The following FMNL2 variants were observed in gnomAD, a reference collection of about 807,000 sequenced individuals.
FMNL2 encodes formin like 2.
FMNL2 carries 51 observed loss-of-function variants against 130.2 expected under a neutral mutation model. That is an observed-to-expected ratio of 0.39 (90% CI 0.31 to 0.49). The LOEUF (loss-of-function observed/expected upper bound fraction) is 0.49. Ranked by LOEUF, FMNL2 falls within the 20% of genes least tolerant of loss-of-function variation. FMNL2 has a pLI of 0.85. For missense variants in FMNL2, 977 were observed against 1,316.2 expected (o/e 0.74, Z 3.99); for synonymous variants, 465 against 467.1 (o/e 1.00, Z 0.06).
At chr2:152,557,884 T>A (rs1212788544) in intron 4 of FMNL2, among the ~76,000 whole-genome samples, 4 of 152,118 alleles carry the variant, frequency 2.6e-5, no homozygotes, top group Non-Finnish European at 5.9e-5. Context: ...TTTGTTGGAG[T>A]TTGAAACTTA....
intron 1 of FMNL2, among the ~76,000 whole-genome samples, chr2:152,378,200 G>A (rs546590438): frequency 2.1e-4 from 32 of 151,670 alleles, no homozygotes; most frequent in Middle Eastern, 3.5e-3. Flanking sequence ...CCTCTACCAA[G>A]TCATAGGGAC....
chr2:152,606,737 A>T (rs146610096), intron 9 of FMNL2, among the ~76,000 whole-genome samples: 1 of 149,900 alleles, frequency 6.7e-6, no homozygotes, highest in African/African-American at 2.4e-5. Context: ...CATCTGATCA[A>T]TGAAAACATT....
At chr2:152,413,448 A>G (rs1686431657) in intron 1 of FMNL2, among the ~76,000 whole-genome samples, 1 of 152,162 alleles carries the variant, frequency 6.6e-6, no homozygotes, top group Non-Finnish European at 1.5e-5. Context: ...TTTAGAACTC[A>G]TTACTGCTAA....
At chr2:152,447,986 T>G (rs981139186) in intron 1 of FMNL2, among the ~76,000 whole-genome samples, 1 of 152,210 alleles carries the variant, frequency 6.6e-6, no homozygotes, top group Non-Finnish European at 1.5e-5. Context: ...TTTTAATACT[T>G]AACTGTAATT....
chr2:152,541,215 G>C (rs147758585), intron 2 of FMNL2, among the ~76,000 whole-genome samples: 111 of 152,032 alleles, frequency 7.3e-4, no homozygotes, highest in African/African-American at 2.6e-3. Flanking sequence ...GGAGTGCAGT[G>C]GCACGATCAG....
intron 1 of FMNL2, among the ~76,000 whole-genome samples, chr2:152,420,860 C>T (rs1686872561): frequency 1.3e-5 from 2 of 152,100 alleles, no homozygotes; most frequent in African/African-American, 2.4e-5. Flanking sequence ...CTCTGAATCC[C>T]AGTTGTAGAA....
chr2:152,437,260 C>A (rs973024520), intron 1 of FMNL2, among the ~76,000 whole-genome samples: 4 of 152,148 alleles, frequency 2.6e-5, no homozygotes, highest in Admixed American at 1.3e-4. Flanking sequence ...CACTCCATAG[C>A]AGATGATATG....
intron 15 of FMNL2, among the ~76,000 whole-genome samples, chr2:152,622,880 C>CA (rs1252613580): frequency 6.9e-6 from 1 of 145,286 alleles, no homozygotes; most frequent in East Asian, 2.0e-4. Flanking sequence ...ACTCTAAGAA[C>CA]AAAAAAAAGG....
At chr2:152,418,595 T>G (rs1686742563) in intron 1 of FMNL2, among the ~76,000 whole-genome samples, 1 of 152,236 alleles carries the variant, frequency 6.6e-6, no homozygotes, top group Non-Finnish European at 1.5e-5. Context: ...AGTATAATGT[T>G]GGTAAGGTTC....
intron 1 of FMNL2, among the ~76,000 whole-genome samples, chr2:152,339,359 G>C (rs1322770036): frequency 6.6e-6 from 1 of 152,156 alleles, no homozygotes; most frequent in Non-Finnish European, 1.5e-5. Flanking sequence ...TTTTAAAGAT[G>C]ATGATAAGAA....
In FMNL2 at chr2:152,619,088, G is replaced by C. The variant is rs763374188; in HGVS notation, c.1557G>C (p.Gly519=). 1.2e-6 allele frequency: 2 copies of C among 1,612,404 alleles called. No homozygotes were observed. The highest frequency in any genetic ancestry group is 4.5e-5 in the East Asian group (2 of 44,842). Residue 519 remains glycine (G), a synonymous_variant, in exon 14 of 26, where the codon GGG becomes GGC. Coordinates refer to ENST00000288670, the MANE Select transcript of FMNL2 (RefSeq NM_052905.4). The part of the protein sequence containing the change: ...VAGNSVGPTM[G]AASSGPLPPP... Reference sequence around the variant, plus strand: ...GTAACTCTGTGGGACCCACAATGGGGGCCGCTTCCTCAGGACCCTTGCCCC... The same window carrying C: ...GTAACTCTGTGGGACCCACAATGGGCGCCGCTTCCTCAGGACCCTTGCCCC...
chr2:152,538,924 G>T (rs1002123080), intron 2 of FMNL2, among the ~76,000 whole-genome samples: 1 of 152,144 alleles, frequency 6.6e-6, no homozygotes, highest in Non-Finnish European at 1.5e-5. Context: ...AAGGACTTCA[G>T]ATGGATTATG....
At chr2:152,387,049 A>G (rs925377902) in intron 1 of FMNL2, among the ~76,000 whole-genome samples, 14 of 152,164 alleles carry the variant, frequency 9.2e-5, no homozygotes, top group Admixed American at 9.2e-4. Context: ...GTTCATAGAT[A>G]TTTCATGAAA....
At chr2:152,369,588 T>C (rs1272965657) in intron 1 of FMNL2, among the ~76,000 whole-genome samples, 1 of 152,242 alleles carries the variant, frequency 6.6e-6, no homozygotes, top group Non-Finnish European at 1.5e-5. Context: ...GGTTTATTGG[T>C]GCACTTACTG....
At chr2:152,494,632 A>G (rs188208465) in intron 1 of FMNL2, among the ~76,000 whole-genome samples, 11 of 152,362 alleles carry the variant, frequency 7.2e-5, no homozygotes, top group African/African-American at 2.6e-4. Flanking sequence ...TTTAATTAAC[A>G]GTTGTTTGAA....
At chr2:152,508,782 T>C (rs1228876040) in intron 1 of FMNL2, among the ~76,000 whole-genome samples, 2 of 152,194 alleles carry the variant, frequency 1.3e-5, no homozygotes, top group South Asian at 2.1e-4. Context: ...CCTACTGTTG[T>C]GGTTTACCCA....
chr2:152,458,393 C>T (rs184706157), intron 1 of FMNL2, among the ~76,000 whole-genome samples: 49 of 152,288 alleles, frequency 3.2e-4, no homozygotes, highest in Admixed American at 5.9e-4. Context: ...TGTTTACTCA[C>T]TGTTGCCCTT....
At chr2:152,340,371 G>A (rs1035711948) in intron 1 of FMNL2, among the ~76,000 whole-genome samples, 1 of 152,188 alleles carries the variant, frequency 6.6e-6, no homozygotes, top group Non-Finnish European at 1.5e-5. Context: ...TTCCTGTCTG[G>A]TTAGTGCAAA....
chr2:152,430,308 A>G (rs1405077738), intron 1 of FMNL2, among the ~76,000 whole-genome samples: 1 of 152,194 alleles, frequency 6.6e-6, no homozygotes, highest in Non-Finnish European at 1.5e-5. Context: ...TCCTTGACAG[A>G]CAGCAGTGGG....
Sources: allele counts gnomAD v4.1 joint callset (sites outside exome capture counted in the v4.1 genomes callset), GRCh38; gene constraint gnomAD v4.1.1; transcripts MANE v1.5; gene names NCBI Gene and HGNC (gene_info 2026-07-23, HGNC 2026-07-21).